Variants in SIPA1L2 observed in about 807,000 individuals in gnomAD.
SIPA1L2 encodes the protein signal-induced proliferation-associated 1-like protein 2.
A neutral mutation model predicts 163.9 loss-of-function variants in SIPA1L2; 56 were observed. The observed-to-expected ratio is 0.34, with a 90% CI of 0.28 to 0.43. The LOEUF (loss-of-function observed/expected upper bound fraction) is 0.43. Ranked by LOEUF, SIPA1L2 falls within the 20% of genes least tolerant of loss-of-function variation. SIPA1L2 has a pLI of 1.00. For synonymous variants in SIPA1L2, 877 were observed against 865.7 expected (o/e 1.01, Z -0.23); for missense variants, 1,974 against 2,193.5 (o/e 0.90, Z 2.00).
intron 1 of SIPA1L2, among the ~76,000 whole-genome samples, chr1:232,585,468 G>C (rs1024550971): frequency 6.6e-6 from 1 of 152,186 alleles, no homozygotes; most frequent in East Asian, 1.9e-4. Flanking sequence ...TGGGGAAAGG[G>C]ACAGGCCAAT....
At chr1:232,532,769 C>G (rs977991079) in intron 2 of SIPA1L2, among the ~76,000 whole-genome samples, 14 of 152,042 alleles carry the variant, frequency 9.2e-5, no homozygotes, top group Admixed American at 7.9e-4. Flanking sequence ...ACGGCAAATG[C>G]CCAGAGTAAT....
chr1:232,439,654 C>T (rs1352211191), intron 14 of SIPA1L2, among the ~76,000 whole-genome samples, 158 bp from the exon 15 acceptor site: 2 of 152,166 alleles, frequency 1.3e-5, no homozygotes, highest in Non-Finnish European at 2.9e-5. Flanking sequence ...TCAAAAACAA[C>T]CTGGTTTTGT....
intron 3 of SIPA1L2, among the ~76,000 whole-genome samples, chr1:232,506,764 A>G (rs1487243858): frequency 6.6e-6 from 1 of 152,218 alleles, no homozygotes; most frequent in African/African-American, 2.4e-5. Context: ...CAAGAATTCT[A>G]TGGTCGTTCA....
chr1:232,571,765 C>G lies in SIPA1L2; in HGVS notation c.-270+2409G>C, dbSNP rs190597552. On this transcript the variant is annotated intron_variant, in intron 2 of 22. Transcript: ENST00000674635. ...TGTTTAAGAGAGTCTGGGACCTCCC[C>G]CTTCTGTCTGATTCTTCCACTCTCA... 1.6e-4 allele frequency among the ~76,000 whole-genome samples: 24 copies of G among 152,236 alleles called. 1 individual carries two copies. The East Asian group carries it at 3.7e-3, about 23-fold the overall frequency.
intron 2 of SIPA1L2, among the ~76,000 whole-genome samples, chr1:232,556,706 T>A (rs1215542048): frequency 6.8e-6 from 1 of 147,070 alleles, no homozygotes; most frequent in Admixed American, 6.9e-5. Flanking sequence ...AGGGATCTTA[T>A]CCTCTCATAC....
chr1:232,588,075 C>T, intron 1 of SIPA1L2, among the ~76,000 whole-genome samples: 1 of 152,146 alleles, frequency 6.6e-6, no homozygotes, highest in South Asian at 2.1e-4. Context: ...AAGTAAAAAA[C>T]TGATTTTATT....
rs139528824 is a variant in SIPA1L2, at chr1:232,547,282, G to C, written c.-270+26892C>G. 1.8e-4 allele frequency among the ~76,000 whole-genome samples: 27 copies of C among 152,198 alleles called. No individual in the cohort carries two copies. In the East Asian group the frequency reaches 4.8e-3, roughly 27 times the overall value. ...TATGCAGAACACACAGCTGGGATAA[G>C]TAACAGACAGGAGACTGGTATATAC... On this transcript the variant is annotated intron_variant, in intron 2 of 22. Coordinates refer to ENST00000674635, the MANE Select transcript of SIPA1L2 (RefSeq NM_020808.5).
Position 232,465,429 on chromosome 1 carries a change from A to T in SIPA1L2, c.2244-13T>A. 1 of 1,584,144 alleles carries T rather than the reference A, an allele frequency of 6.3e-7. No homozygotes were observed. On this transcript the variant is annotated splice_polypyrimidine_tract_variant and intron_variant, in intron 8 of 22. Transcript: ENST00000674635. The surrounding 1 kb of genome is among the most constrained non-coding windows in gnomAD (Gnocchi z 4.1). ...GGAAACTCCAACACTGAGGAAGTAA[A>T]AACAGAAACAAAATGAGATGAGCTA...
intron 18 of SIPA1L2, 23 bp from the exon 19 acceptor site, chr1:232,415,648 A>T (rs1210320381): frequency 2.6e-5 from 42 of 1,613,596 alleles, no homozygotes; most frequent in Non-Finnish European, 3.5e-5. Flanking sequence ...AAAACCAGAG[A>T]GTCAGTCATC....
At chr1:232,565,866 T>C (rs1247347999) in intron 2 of SIPA1L2, among the ~76,000 whole-genome samples, 1 of 152,186 alleles carries the variant, frequency 6.6e-6, no homozygotes, top group Non-Finnish European at 1.5e-5. Flanking sequence ...GAAGGAATGT[T>C]TGAGTTTGAA....
At chr1:232,413,620 G>A (rs1439060870) in intron 19 of SIPA1L2, among the ~76,000 whole-genome samples, 1 of 152,234 alleles carries the variant, frequency 6.6e-6, no homozygotes, top group Non-Finnish European at 1.5e-5. Flanking sequence ...AAAACTGTGT[G>A]TATTGAATAC....
At chr1:232,508,953 G>A (rs1265484607) in intron 3 of SIPA1L2, among the ~76,000 whole-genome samples, 13 of 152,162 alleles carry the variant, frequency 8.5e-5, no homozygotes, top group African/African-American at 2.2e-4. Context: ...TTAGCCGGGC[G>A]TGGTGGCACA....
chr1:232,458,790 T>C (rs1002309213), intron 10 of SIPA1L2, among the ~76,000 whole-genome samples: 5 of 152,326 alleles, frequency 3.3e-5, no homozygotes, highest in Admixed American at 1.3e-4. Flanking sequence ...TATACAGTAC[T>C]TTAGCTTTTA....
intron 1 of SIPA1L2, among the ~76,000 whole-genome samples, chr1:232,628,855 G>A (rs1663217674): frequency 6.6e-6 from 1 of 152,062 alleles, no homozygotes; most frequent in Non-Finnish European, 1.5e-5. Flanking sequence ...AAAAATCTGT[G>A]CGACTATTTT....
intron 3 of SIPA1L2, among the ~76,000 whole-genome samples, chr1:232,504,824 C>A (rs779515418): frequency 3.9e-5 from 6 of 152,166 alleles, no homozygotes; most frequent in Non-Finnish European, 5.9e-5. Flanking sequence ...ACAAACAACA[C>A]TGAGGCAGAA....
intron 18 of SIPA1L2, among the ~76,000 whole-genome samples, chr1:232,419,102 G>T (rs1661423654): frequency 6.6e-6 from 1 of 152,214 alleles, no homozygotes; most frequent in Non-Finnish European, 1.5e-5. Flanking sequence ...CACATTTGGG[G>T]GAGGCCTGTC....
At chr1:232,546,095 G>C (rs372266571) in intron 2 of SIPA1L2, among the ~76,000 whole-genome samples, 1 of 152,200 alleles carries the variant, frequency 6.6e-6, no homozygotes, top group South Asian at 2.1e-4. Flanking sequence ...CTGGAGTCCT[G>C]TCTAAATCTT....
chr1:232,445,833 C>A, intron 10 of SIPA1L2, 47 bp from the exon 11 acceptor site: 1 of 1,585,044 alleles, frequency 6.3e-7, no homozygotes, highest in Non-Finnish European at 8.6e-7. Flanking sequence ...CTCAGCTGAG[C>A]TGTCAGCATG....
intron 2 of SIPA1L2, chr1:232,561,550 A>C (rs1170330658): frequency 1.3e-5 from 2 of 152,134 alleles, no homozygotes. Flanking sequence ...CACAATGCCC[A>C]CCCCTAGTAA....
Sources: allele counts gnomAD v4.1 joint callset (sites outside exome capture counted in the v4.1 genomes callset), GRCh38; gene constraint gnomAD v4.1.1; non-coding constraint Gnocchi (gnomAD v3.1); transcripts MANE v1.5; gene names NCBI Gene and HGNC (gene_info 2026-07-23, HGNC 2026-07-21).